ADAMTS18: variants seen among roughly 807,000 people sequenced by gnomAD.
The protein encoded by ADAMTS18 is ADAM metallopeptidase with thrombospondin type 1 motif 18.
A neutral mutation model predicts 165.9 loss-of-function variants in ADAMTS18; 157 were observed. That is an observed-to-expected ratio of 0.95 (90% CI 0.83 to 1.08). The LOEUF (loss-of-function observed/expected upper bound fraction) is 1.08. Among genes scored for constraint, ADAMTS18 ranks in the 50% least tolerant of loss-of-function variants. ADAMTS18 has a pLI of 0.00. For synonymous variants in ADAMTS18, 782 were observed against 578.2 expected, an observed-to-expected ratio of 1.35 and a Z score of -5.06; for missense variants, 2,040 against 1,534.0, an observed-to-expected ratio of 1.33 and a Z score of -5.51.
chr16:77,331,495 C>T (rs116789779), intron 12 of ADAMTS18, among the ~76,000 whole-genome samples: 1,642 of 152,284 alleles, frequency 0.011, 28 homozygotes, highest in African/African-American at 0.037. Flanking sequence ...TGTTTTAATA[C>T]TGTTATTAAA....
chr16:77,342,191 T>C (rs184106744), intron 10 of ADAMTS18, among the ~76,000 whole-genome samples: 386 of 152,322 alleles, frequency 2.5e-3, no homozygotes, highest in Non-Finnish European at 3.8e-3. Flanking sequence ...TCATGCCCTA[T>C]GGACATGTTA....
At position 77,331,214 on chromosome 16, in the gene ADAMTS18, T is replaced by A. The variant is rs377758694; in HGVS notation, c.1859+4542A>T. On this transcript the variant is annotated intron_variant, in intron 12 of 22. Transcript: ENST00000282849. Reference sequence around the variant, plus strand: ...ATGAGAGCTCTCAATCCTACAGATATGAGAGAGGTTTTAATTTAAATCTCA... The same window carrying A: ...ATGAGAGCTCTCAATCCTACAGATAAGAGAGAGGTTTTAATTTAAATCTCA... 2.0e-5 allele frequency among the ~76,000 whole-genome samples: 3 copies of A among 152,260 alleles called. No individual in the cohort carries two copies. The East Asian group carries it at 5.8e-4, about 29-fold the overall frequency.
At chr16:77,350,913 G>A (rs957619750) in intron 10 of ADAMTS18, among the ~76,000 whole-genome samples, 9 of 151,986 alleles carry the variant, frequency 5.9e-5, no homozygotes, top group East Asian at 3.9e-4. Context: ...ACTATGCAAT[G>A]CTTTCTAGGA....
chr16:77,330,103 C>A (rs886712487), intron 12 of ADAMTS18, among the ~76,000 whole-genome samples: 3 of 152,090 alleles, frequency 2.0e-5, no homozygotes, highest in Admixed American at 1.3e-4. Flanking sequence ...TAAAAACACA[C>A]CTGGTGATTC....
intron 22 of ADAMTS18, among the ~76,000 whole-genome samples, chr16:77,288,342 A>T (rs1014475907): frequency 6.6e-6 from 1 of 152,034 alleles, no homozygotes; most frequent in Non-Finnish European, 1.5e-5. Context: ...TTTCTTCCCT[A>T]TGTAGTATCC....
intron 18 of ADAMTS18, among the ~76,000 whole-genome samples, chr16:77,295,654 G>A (rs1451472516): frequency 6.6e-6 from 1 of 152,080 alleles, no homozygotes; most frequent in Admixed American, 6.6e-5. Context: ...AGGAGAGAGG[G>A]GTACATTTAG....
At chr16:77,421,512 A>G (rs2057602532) in intron 3 of ADAMTS18, among the ~76,000 whole-genome samples, 1 of 152,252 alleles carries the variant, frequency 6.6e-6, no homozygotes, top group South Asian at 2.1e-4. Context: ...TTTATTGCTG[A>G]TGGTGGGAAA....
intron 9 of ADAMTS18, among the ~76,000 whole-genome samples, chr16:77,355,492 T>C (rs960136057): frequency 2.6e-5 from 4 of 152,088 alleles, no homozygotes; most frequent in Admixed American, 6.6e-5. Flanking sequence ...CTATGACACA[T>C]TGATCGATAA....
At chr16:77,335,319 AT>A (rs2056291109) in intron 12 of ADAMTS18, among the ~76,000 whole-genome samples, 3 of 151,352 alleles carry the variant, frequency 2.0e-5, no homozygotes, top group Non-Finnish European at 4.4e-5. Flanking sequence ...TAGAGAGTGC[AT>A]TGACAGAGCT....
Position 77,322,375 on chromosome 16 carries a change from G to A in ADAMTS18, c.2124C>T (p.Ser708=), listed in dbSNP as rs1256468854. The A allele has an allele frequency of 1.2e-6, 2 of 1,613,840 alleles. No individual in the cohort carries two copies. Among genetic ancestry groups the A allele is most frequent in the Admixed American group, 1.7e-5 (1 of 59,980 alleles). The part of the protein sequence containing the change: ...SGKVKDGTPC[S]PNKNDVCIDG... ...CAATACAAACATCATTTTTGTTTGG[G>A]GAGCAGGGAGTTCCATCTTTCACTT... Residue 708 remains serine (S), a synonymous_variant, in exon 14 of 23, where the codon TCC becomes TCT. Transcript: ENST00000282849.
intron 10 of ADAMTS18, among the ~76,000 whole-genome samples, chr16:77,348,638 G>C (rs575820003): frequency 6.6e-6 from 1 of 152,270 alleles, no homozygotes; most frequent in South Asian, 2.1e-4. Context: ...AAACATGTGA[G>C]CTTTGGTTAT....
chr16:77,312,117 G>T (rs561044299), intron 16 of ADAMTS18, among the ~76,000 whole-genome samples: 11 of 152,018 alleles, frequency 7.2e-5, no homozygotes, highest in African/African-American at 2.4e-4. Flanking sequence ...TGTTGTTGTT[G>T]TCACTCAAGG....
Position 77,431,287 on chromosome 16 carries a change from G to A in ADAMTS18, c.495+8C>T, listed in dbSNP as rs1327616849. ...GAGGGAGCTCAACTCAGACTGGGGT[G>A]TACTTACCAAGCCAGCACACGTAGA... On this transcript the variant is annotated splice_region_variant and intron_variant, in intron 3 of 22. Coordinates refer to ENST00000282849, the MANE Select transcript of ADAMTS18 (RefSeq NM_199355.4). 1 of 1,614,134 alleles carries A rather than the reference G, an allele frequency of 6.2e-7. No individual in the cohort carries two copies. The highest frequency in any genetic ancestry group is 1.7e-5 in the Admixed American group (1 of 60,020).
chr16:77,334,252 CATATAATATATAGTGTTATATATTAT>C (rs2056248095), intron 12 of ADAMTS18, among the ~76,000 whole-genome samples: 1 of 17,244 alleles, frequency 5.8e-5, no homozygotes, highest in Admixed American at 1.1e-3. Context: ...TTATATATTA[CATATAATATATAGTGTTATATATTAT>C]ATATAATATA....
At chr16:77,334,731 ACTATAG>A (rs2056267721) in intron 12 of ADAMTS18, among the ~76,000 whole-genome samples, 1 of 104,514 alleles carries the variant, frequency 9.6e-6, no homozygotes, top group Non-Finnish European at 1.9e-5. Flanking sequence ...ACTACTATAT[ACTATAG>A]TATATATACT....
At chr16:77,291,944 TTAAATATACCCAACCTC>T (rs2055372214) in intron 20 of ADAMTS18, among the ~76,000 whole-genome samples, 1 of 152,188 alleles carries the variant, frequency 6.6e-6, no homozygotes, top group South Asian at 2.1e-4. Context: ...TAATTGCTCT[TTAAATATACCCAACCTC>T]TCACACACAG....
At chr16:77,297,781 G>A (rs1395574973) in intron 17 of ADAMTS18, among the ~76,000 whole-genome samples, 1 of 151,944 alleles carries the variant, frequency 6.6e-6, no homozygotes, top group African/African-American at 2.4e-5. Context: ...CCATTCGTGA[G>A]TTATATATGG....
rs566545748 is a variant in ADAMTS18, at chr16:77,315,367, G to A, written c.2532+4482C>T. 9.2e-5 allele frequency among the ~76,000 whole-genome samples: 14 copies of A among 152,252 alleles called. No homozygotes were observed. The South Asian group carries it at 1.0e-3, about 11-fold the overall frequency. ...TAAACTGAATTTGCATAGCTCTTGCGTATGAGATTCAGACGGATTTTAAAT... is the reference window on the plus strand; with the variant it reads ...TAAACTGAATTTGCATAGCTCTTGCATATGAGATTCAGACGGATTTTAAAT... On this transcript the variant is annotated intron_variant, in intron 16 of 22. Coordinates refer to ENST00000282849, the MANE Select transcript of ADAMTS18 (RefSeq NM_199355.4).
intron 10 of ADAMTS18, among the ~76,000 whole-genome samples, chr16:77,344,176 T>TATAC (rs1386864821): frequency 2.2e-4 from 32 of 147,374 alleles, no homozygotes; most frequent in African/African-American, 7.7e-4. Context: ...TATATATATA[T>TATAC]ACACATACAG....
Sources: gnomAD v4.1 joint callset for allele counts (sites outside exome capture counted in the v4.1 genomes callset) on GRCh38, gnomAD v4.1.1 for gene constraint, MANE v1.5 for transcripts, NCBI Gene and HGNC (gene_info 2026-07-23, HGNC 2026-07-21) for gene names.